The following RBFOX2 variants were observed in gnomAD, a reference collection of about 807,000 sequenced individuals.
The protein encoded by RBFOX2 is RNA binding fox-1 homolog 2, also known as RNA binding protein fox-1 homolog 2.
RBFOX2 carries 10 observed loss-of-function variants against 49.1 expected under a neutral mutation model. The observed-to-expected ratio is 0.20, with a 90% CI of 0.13 to 0.35. The LOEUF is 0.35. Among genes scored for constraint, RBFOX2 ranks in the 10% least tolerant of loss-of-function variants. The probability of loss-of-function intolerance (pLI) is 1.00; values close to 1 mark genes in which losing one functional copy is unlikely to be tolerated. For missense variants in RBFOX2, 323 were observed against 486.9 expected, an observed-to-expected ratio of 0.66 and a Z score of 3.17; for synonymous variants, 183 against 187.4, an observed-to-expected ratio of 0.98 and a Z score of 0.19.
chr22:35,840,623 CGT>C (rs1157342118), upstream of RBFOX2: 133 of 1,067,462 alleles, frequency 1.2e-4, 1 homozygote, highest in South Asian at 7.4e-4. Flanking sequence ...CGCGTGTGTG[CGT>C]GTGTGCGTGT....
rs1363406462 is a variant in RBFOX2 at position 35,786,483 on chromosome 22, C to T, written c.253-4737G>A. 2.6e-5 allele frequency among the ~76,000 whole-genome samples: 4 copies of T among 152,090 alleles called. No individual in the cohort carries two copies. In the East Asian group the frequency reaches 7.7e-4, roughly 29 times the overall value. ...AGCTGAATATTCACAATGAAACGTA[C>T]ACCCATGTAACCACCAAATTAGATC... On this transcript the variant is annotated intron_variant, in intron 2 of 11. Coordinates refer to ENST00000405409, the Ensembl canonical transcript of RBFOX2.
At chr22:35,939,123 C>A (rs1472338481), upstream of RBFOX2, 9 of 684,876 alleles carry the variant, frequency 1.3e-5, no homozygotes, top group East Asian at 2.2e-4. Flanking sequence ...AAAACTATTT[C>A]TTCCTTATGC....
chr22:35,748,194 G>C (rs761652167), intron 9 of RBFOX2: 6 of 152,152 alleles, frequency 3.9e-5, no homozygotes, highest in Non-Finnish European at 7.4e-5. Context: ...AAAAATCCCT[G>C]ACTGGCTTTC....
intron 1 of RBFOX2, among the ~76,000 whole-genome samples, chr22:35,932,510 A>G (rs991672166): frequency 6.6e-6 from 1 of 152,222 alleles, no homozygotes; most frequent in Non-Finnish European, 1.5e-5. Flanking sequence ...TCAATGGGAC[A>G]TTGTGTCTTT....
rs138576861 is a variant in RBFOX2 at position 35,759,967 on chromosome 22, C to G, written c.808G>C (p.Ala270Pro). The G allele has an allele frequency of 1.2e-6, 2 of 1,613,886 alleles. No homozygotes were observed. Among genetic ancestry groups the G allele is most frequent in the Admixed American group, 3.3e-5 (2 of 60,024 alleles). The stretch of plus-strand genomic sequence containing the variant: ...GTCCGCCCTCTGCCCCTCAAATGGG[C>G]TCCTCTGAAAGCGGCTGCCGTGGTG... The change falls in exon 9 of 12, where the codon GCC becomes CCC. Residue 270 changes from alanine to proline, a missense_variant. Physicochemically the swap from Ala to Pro is conservative, Grantham distance 27. Coordinates refer to ENST00000405409, the Ensembl canonical transcript of RBFOX2. The surrounding 1 kb of genome is among the most constrained non-coding windows in gnomAD (Gnocchi z 4.6).
chr22:35,878,167 T>C (rs1603431326), intron 1 of RBFOX2, among the ~76,000 whole-genome samples: 1 of 151,248 alleles, frequency 6.6e-6, no homozygotes, highest in South Asian at 2.1e-4. Flanking sequence ...GAGGCCGAGG[T>C]TGGTGGATCC....
In RBFOX2 at chr22:35,759,784, C is replaced by G. The variant is rs1478355505; in HGVS notation, c.887+104G>C. On this transcript the variant is annotated intron_variant, in intron 9 of 11. Coordinates refer to ENST00000405409, the Ensembl canonical transcript of RBFOX2. The surrounding 1 kb of genome is among the most constrained non-coding windows in gnomAD (Gnocchi z 4.6). ...TGCAAATATTCACTGAATGCCTACT[C>G]TGTGACACGGCAACATCCCAGAAGT... 1 of 1,476,924 alleles carries G rather than the reference C, an allele frequency of 6.8e-7. No individual in the cohort carries two copies. The highest frequency in any genetic ancestry group is 9.3e-7 in the Non-Finnish European group (1 of 1,076,612). The allele number at this position is 1,476,924 out of a possible 1,614,324, so 91.5% of individuals were successfully genotyped here.
At chr22:35,806,924 C>A (rs1950853682) in intron 2 of RBFOX2, among the ~76,000 whole-genome samples, 1 of 152,140 alleles carries the variant, frequency 6.6e-6, no homozygotes, top group African/African-American at 2.4e-5. Flanking sequence ...CCTACCTCAG[C>A]CTCTGAGTAG....
intron 1 of RBFOX2, among the ~76,000 whole-genome samples, chr22:35,904,299 T>C (rs2048895956): frequency 6.6e-6 from 1 of 152,216 alleles, no homozygotes; most frequent in African/African-American, 2.4e-5. Flanking sequence ...TACCAAAATC[T>C]TTAATTATTT....
intron 1 of RBFOX2, among the ~76,000 whole-genome samples, chr22:35,896,874 T>C (rs1429459965): frequency 6.6e-6 from 1 of 152,188 alleles, no homozygotes; most frequent in African/African-American, 2.4e-5. Context: ...GCCTGTTTTC[T>C]AAATAAAAGA....
intron 1 of RBFOX2, among the ~76,000 whole-genome samples, chr22:36,011,785 A>C (rs1472664776): frequency 6.6e-6 from 1 of 152,256 alleles, no homozygotes; most frequent in African/African-American, 2.4e-5. Context: ...TACTCCATAC[A>C]AGAAACTGTC....
chr22:35,778,709 T>C (rs1324148160), intron 3 of RBFOX2, among the ~76,000 whole-genome samples: 1 of 151,904 alleles, frequency 6.6e-6, no homozygotes, highest in African/African-American at 2.4e-5. Flanking sequence ...CGATCTTGGC[T>C]CTCTGTAACC....
chr22:35,784,723 G>A (rs964374380), intron 2 of RBFOX2, among the ~76,000 whole-genome samples: 2 of 152,236 alleles, frequency 1.3e-5, no homozygotes, highest in Non-Finnish European at 2.9e-5. Context: ...ACATGCAGTC[G>A]ATGATGCCCT....
intron 1 of RBFOX2, among the ~76,000 whole-genome samples, chr22:35,887,004 G>A (rs940111702): frequency 1.3e-5 from 2 of 152,088 alleles, no homozygotes; most frequent in African/African-American, 2.4e-5. Flanking sequence ...CTTTGACCAC[G>A]CTGATTTTCT....
chr22:35,867,645 C>T (rs923773902), intron 1 of RBFOX2, among the ~76,000 whole-genome samples: 1 of 152,162 alleles, frequency 6.6e-6, no homozygotes, highest in African/African-American at 2.4e-5. Flanking sequence ...AAGAGATGGG[C>T]CCTCTGTAAG....
At chr22:35,803,996 T>A (rs913446891) in intron 2 of RBFOX2, among the ~76,000 whole-genome samples, 2 of 152,202 alleles carry the variant, frequency 1.3e-5, no homozygotes, top group Admixed American at 6.5e-5. Context: ...AATTTATGTG[T>A]TGGCTGGGCG....
In RBFOX2 at chr22:36,000,007, T is replaced by TATATA. The variant is rs1299405689; in HGVS notation, c.186+28232_186+28233insTATAT. 10 of 67,798 alleles carry TATATA rather than the reference T, an allele frequency of 1.5e-4. No individual in the cohort carries two copies. In the South Asian group the frequency reaches 1.9e-3, roughly 13 times the overall value. 4.2% of individuals were successfully genotyped at this position (67,798 alleles called of 1,614,324 possible). On this transcript the variant is annotated intron_variant, in intron 1 of 13. Transcript: ENST00000438146. ...GTTATATATATATATATATATATAT[T>TATATA]TTTTTTTTTTGAGATGGAGTCTCAC...
intron 1 of RBFOX2, among the ~76,000 whole-genome samples, chr22:35,881,345 G>A (rs2045872060): frequency 6.6e-6 from 1 of 152,118 alleles, no homozygotes; most frequent in Non-Finnish European, 1.5e-5. Flanking sequence ...GGAGGCTGAG[G>A]TGGGAAGATC....
intron 1 of RBFOX2, among the ~76,000 whole-genome samples, chr22:35,868,388 T>C (rs908099677): frequency 2.0e-5 from 3 of 152,228 alleles, no homozygotes; most frequent in African/African-American, 7.2e-5. Context: ...TAGTGCTTGT[T>C]ACTTCCCATT....
Sources: allele counts gnomAD v4.1 joint callset (sites outside exome capture counted in the v4.1 genomes callset), GRCh38; gene constraint gnomAD v4.1.1; non-coding constraint Gnocchi (gnomAD v3.1); transcripts MANE v1.5; gene names NCBI Gene and HGNC (gene_info 2026-07-23, HGNC 2026-07-21).